The following CELF2 variants were observed in gnomAD, a reference collection of about 807,000 sequenced individuals.
CELF2 encodes CUGBP Elav-like family member 2, also known as CUG triplet repeat RNA-binding protein 2.
Under a neutral mutation model 62.6 loss-of-function variants are expected in CELF2, and 8 were observed. The observed-to-expected ratio is 0.13, with a 90% CI of 0.07 to 0.23. The LOEUF (loss-of-function observed/expected upper bound fraction) is 0.23. CELF2 is among the 10% of genes least tolerant of loss of function. The pLI is 1.00. For synonymous variants in CELF2, 258 were observed against 250.0 expected, an observed-to-expected ratio of 1.03 and a Z score of -0.30; for missense variants, 333 against 671.0, an observed-to-expected ratio of 0.50 and a Z score of 5.56.
chr10:11,059,017 A>G (rs1442351329), intron 1 of CELF2, among the ~76,000 whole-genome samples: 1 of 152,210 alleles, frequency 6.6e-6, no homozygotes, highest in Non-Finnish European at 1.5e-5. Flanking sequence ...TCCTGGGCTC[A>G]AGCAATGCTT....
the CELF2 span, among the ~76,000 whole-genome samples, chr10:10,595,850 G>A: frequency 1.3e-5 from 2 of 151,960 alleles, no homozygotes; most frequent in African/African-American, 2.4e-5. Flanking sequence ...GAGGTGAGAT[G>A]GCGCCACTGC....
the CELF2 span, among the ~76,000 whole-genome samples, chr10:10,697,068 T>C: frequency 6.6e-6 from 1 of 151,770 alleles, no homozygotes; most frequent in Non-Finnish European, 1.5e-5. Context: ...TGTTTGGTAA[T>C]AACATGATTA....
At chr10:11,202,621 CACTA>C in intron 2 of CELF2, among the ~76,000 whole-genome samples, 1 of 152,182 alleles carries the variant, frequency 6.6e-6, no homozygotes, top group Non-Finnish European at 1.5e-5. Flanking sequence ...GACTTGCTCT[CACTA>C]ACATCGAAAG....
intron 1 of CELF2, among the ~76,000 whole-genome samples, chr10:11,104,314 G>A (rs1040008206): frequency 3.3e-5 from 5 of 151,984 alleles, no homozygotes; most frequent in East Asian, 1.9e-4. Context: ...TAATAGTTTC[G>A]ACTTCCAGCA....
At chr10:10,739,727 A>G in the CELF2 span, among the ~76,000 whole-genome samples, 1 of 152,126 alleles carries the variant, frequency 6.6e-6, no homozygotes, top group Non-Finnish European at 1.5e-5. Flanking sequence ...AATTTTTGTA[A>G]CAGTTCCTTA....
At chr10:11,093,460 A>C (rs970988705) in intron 1 of CELF2, among the ~76,000 whole-genome samples, 9 of 152,266 alleles carry the variant, frequency 5.9e-5, no homozygotes, top group Non-Finnish European at 1.2e-4. Flanking sequence ...GGATGTGGAG[A>C]AGGATGGAAA....
chr10:11,067,425 A>G (rs554802756), intron 1 of CELF2, among the ~76,000 whole-genome samples: 2 of 152,342 alleles, frequency 1.3e-5, no homozygotes, highest in East Asian at 1.9e-4. Flanking sequence ...TATCTGTAGC[A>G]CACTGCTCTT....
intron 1 of CELF2, among the ~76,000 whole-genome samples, chr10:11,146,075 G>A (rs964727539): frequency 6.6e-6 from 1 of 152,268 alleles, no homozygotes; most frequent in Middle Eastern, 3.4e-3. Flanking sequence ...GTAGGATCTG[G>A]CACTCTGATC....
At chr10:11,274,331 G>T (rs1320162585) in intron 7 of CELF2, among the ~76,000 whole-genome samples, 2 of 152,182 alleles carry the variant, frequency 1.3e-5, no homozygotes, top group Non-Finnish European at 2.9e-5. Context: ...CCTTTATCTT[G>T]TGGCACCCAC....
intron 1 of CELF2, among the ~76,000 whole-genome samples, chr10:11,123,130 C>T (rs942061127): frequency 6.6e-6 from 1 of 152,104 alleles, no homozygotes; most frequent in African/African-American, 2.4e-5. Flanking sequence ...GAGTAAAATC[C>T]TAGATGTTAT....
chr10:10,595,184 C>T, the CELF2 span, among the ~76,000 whole-genome samples: 6 of 152,274 alleles, frequency 3.9e-5, no homozygotes, highest in East Asian at 1.2e-3. Context: ...ATGTATGTTA[C>T]ATAAAATTAT....
chr10:10,941,530 C>T (rs1040406005), intron 2 of CELF2, among the ~76,000 whole-genome samples: 3 of 152,154 alleles, frequency 2.0e-5, no homozygotes, highest in East Asian at 1.9e-4. Flanking sequence ...CTAATGCTAA[C>T]GCTGCACTTG....
chr10:11,033,038 A>C (rs924235653), intron 1 of CELF2, among the ~76,000 whole-genome samples: 5 of 152,174 alleles, frequency 3.3e-5, no homozygotes, highest in African/African-American at 1.2e-4. Flanking sequence ...TCCAGGTGAA[A>C]AGCTTTCTGA....
At chr10:10,669,382 A>G in the CELF2 span, among the ~76,000 whole-genome samples, 2 of 152,238 alleles carry the variant, frequency 1.3e-5, no homozygotes, top group Non-Finnish European at 2.9e-5. Context: ...TCCTAGAATT[A>G]TACTGCACAG....
rs182177609 is a variant in CELF2 at position 11,268,605 on chromosome 10, A to G, written c.618+1928A>G. ...CTAAGCCTTTGATCCTTTATTATTA[A>G]TATCTCTGTTATTTGAAAACCAAAT... On this transcript the variant is annotated intron_variant, in intron 6 of 12. Transcript: ENST00000633077. The surrounding 1 kb of genome is among the most constrained non-coding windows in gnomAD (Gnocchi z 4.7). Among the ~76,000 whole-genome samples the G allele has an allele frequency of 2.2e-3, 329 of 152,198 alleles. 1 individual carries two copies. Among genetic ancestry groups the G allele is most frequent in the Non-Finnish European group, 3.5e-3 (238 of 67,990 alleles).
intron 1 of CELF2, among the ~76,000 whole-genome samples, chr10:10,870,461 G>A (rs2060667870): frequency 6.6e-6 from 1 of 152,134 alleles, no homozygotes; most frequent in African/African-American, 2.4e-5. Flanking sequence ...CACCCTCATG[G>A]AAACGCCGGT....
the CELF2 span, among the ~76,000 whole-genome samples, chr10:10,521,535 A>G: frequency 6.6e-6 from 1 of 152,164 alleles, no homozygotes; most frequent in South Asian, 2.1e-4. Flanking sequence ...CTTTTAATGC[A>G]TTTTTAATTT....
intron 1 of CELF2, among the ~76,000 whole-genome samples, chr10:10,843,692 C>G (rs532651365): frequency 6.6e-6 from 1 of 152,114 alleles, no homozygotes; most frequent in East Asian, 1.9e-4. Context: ...GTTGGCCATG[C>G]TGTTCAGATC....
intron 1 of CELF2, among the ~76,000 whole-genome samples, chr10:11,126,478 A>G (rs1170825371): frequency 6.6e-6 from 1 of 152,220 alleles, no homozygotes; most frequent in Non-Finnish European, 1.5e-5. Context: ...GTATAGATAC[A>G]TATATATGTG....
Sources: allele counts gnomAD v4.1 joint callset (sites outside exome capture counted in the v4.1 genomes callset), GRCh38; gene constraint gnomAD v4.1.1; non-coding constraint Gnocchi (gnomAD v3.1); transcripts MANE v1.5; gene names NCBI Gene and HGNC (gene_info 2026-07-23, HGNC 2026-07-21).